The following RBPMS variants were observed in gnomAD, a reference collection of about 807,000 sequenced individuals.
RBPMS encodes the protein RNA-binding protein with multiple splicing.
A neutral mutation model predicts 26.8 loss-of-function variants in RBPMS; 7 were observed. That is an observed-to-expected ratio of 0.26 (90% confidence interval 0.15 to 0.49). The LOEUF (loss-of-function observed/expected upper bound fraction) is 0.49. Ranked by LOEUF, RBPMS falls within the 20% of genes least tolerant of loss-of-function variation. RBPMS has a pLI of 0.98. For missense variants in RBPMS, 186 were observed against 250.0 expected, an observed-to-expected ratio of 0.74 and a Z score of 1.73; for synonymous variants, 96 against 93.3, an observed-to-expected ratio of 1.03 and a Z score of -0.17.
chr8:30,495,676 A>G (rs1001638373), intron 4 of RBPMS, among the ~76,000 whole-genome samples: 2 of 152,254 alleles, frequency 1.3e-5, no homozygotes, highest in Admixed American at 6.5e-5. Flanking sequence ...GTAACCCAGC[A>G]GCACAGGCTG....
intron 1 of RBPMS, among the ~76,000 whole-genome samples, chr8:30,448,165 G>A (rs1161482883): frequency 6.6e-6 from 1 of 152,176 alleles, no homozygotes; most frequent in African/African-American, 2.4e-5. Flanking sequence ...AATTAGGCTT[G>A]TTCTAAATGT....
Position 30,544,567 on chromosome 8 carries a change from G to A in RBPMS, c.471G>A (p.Glu157=), listed in dbSNP as rs1394258823. Residue 157 remains glutamate (E), a synonymous_variant, in exon 6 of 9, where the codon GAG becomes GAA. Transcript: ENST00000397323. ...CCCCGTACCCTCTGTACCCAGCGGA[G>A]TTAGCGCCTGCTCTACCTCCTCCTG... The part of the protein sequence containing the change: ...VWAPYPLYPA[E]LAPALPPPAF... 6.2e-7 allele frequency: 1 copy of A among 1,614,184 alleles called. No homozygotes were observed. Among genetic ancestry groups the A allele is most frequent in the Admixed American group, 1.7e-5 (1 of 60,026 alleles).
intron 1 of RBPMS, among the ~76,000 whole-genome samples, chr8:30,464,473 A>G (rs1005992540): frequency 3.9e-5 from 6 of 152,208 alleles, no homozygotes; most frequent in African/African-American, 1.2e-4. Context: ...AGCATATTGC[A>G]TAGTTTTAAG....
At chr8:30,427,016 C>T (rs986334398) in intron 1 of RBPMS, among the ~76,000 whole-genome samples, 1 of 152,142 alleles carries the variant, frequency 6.6e-6, no homozygotes, top group Non-Finnish European at 1.5e-5. Context: ...TCTCAAACTC[C>T]TGGAGCTCAA....
intron 7 of RBPMS, chr8:30,564,961 A>T (rs955275482): frequency 3.3e-5 from 5 of 152,042 alleles, no homozygotes; most frequent in Middle Eastern, 6.8e-3. Context: ...CGCACTGATT[A>T]GCTGAAGCCC....
chr8:30,507,274 C>A (rs890405641), intron 5 of RBPMS, among the ~76,000 whole-genome samples: 6 of 152,050 alleles, frequency 3.9e-5, no homozygotes, highest in Admixed American at 3.3e-4. Flanking sequence ...TGGTTGTGCT[C>A]CTATTCTCTC....
At chr8:30,509,488 C>G (rs889470265) in intron 5 of RBPMS, among the ~76,000 whole-genome samples, 1 of 152,182 alleles carries the variant, frequency 6.6e-6, no homozygotes, top group African/African-American at 2.4e-5. Context: ...TGTAAAGTAT[C>G]TCACACATTC....
chr8:30,419,450 A>ATTGTGTGTGTGTGTG (rs1554509328), intron 1 of RBPMS, among the ~76,000 whole-genome samples: 3,054 of 143,254 alleles, frequency 0.021, 49 homozygotes, highest in Non-Finnish European at 0.033. Flanking sequence ...CATCTCAAAA[A>ATTGTGTGTGTGTGTG]TGTGTGTGTG....
At chr8:30,545,519 T>C in intron 6 of RBPMS, 1 of 871,268 alleles carries the variant, frequency 1.1e-6, no homozygotes, top group Non-Finnish European at 1.4e-6. Flanking sequence ...GCCTTTAAAT[T>C]TTAAATTTTT....
intron 5 of RBPMS, among the ~76,000 whole-genome samples, chr8:30,540,429 G>A (rs1162156805): frequency 5.3e-5 from 8 of 152,128 alleles, no homozygotes; most frequent in African/African-American, 1.4e-4. Context: ...GGAGTGACAT[G>A]ACTGAATTAA....
At chr8:30,489,205 C>A (rs547401537) in intron 4 of RBPMS, among the ~76,000 whole-genome samples, 3 of 151,944 alleles carry the variant, frequency 2.0e-5, no homozygotes, top group Non-Finnish European at 4.4e-5. Context: ...TGCCACCAGG[C>A]CTGGCTAATT....
At chr8:30,520,289 ACATTGGTGCCTGGTAATCTC>A (rs1465402141) in intron 5 of RBPMS, among the ~76,000 whole-genome samples, 20 of 152,290 alleles carry the variant, frequency 1.3e-4, no homozygotes, top group African/African-American at 4.8e-4. Context: ...TCCGCCTAAG[ACATTGGTGCCTGGTAATCTC>A]CATTGGTGAT....
At chr8:30,533,582 T>C (rs1824472063) in intron 5 of RBPMS, among the ~76,000 whole-genome samples, 1 of 152,194 alleles carries the variant, frequency 6.6e-6, no homozygotes, top group Admixed American at 6.5e-5. Context: ...TCAAGTGTGA[T>C]TGATCTAGCC....
intron 1 of RBPMS, among the ~76,000 whole-genome samples, chr8:30,407,911 T>C (rs1377385886): frequency 6.9e-6 from 1 of 145,760 alleles, no homozygotes; most frequent in Non-Finnish European, 1.5e-5. Flanking sequence ...ACTAGAGAAG[T>C]TTGCTTCAAG....
intron 7 of RBPMS, among the ~76,000 whole-genome samples, chr8:30,563,777 C>T (rs896931224): frequency 1.3e-4 from 20 of 152,140 alleles, no homozygotes; most frequent in African/African-American, 4.8e-4. Context: ...GGAGGAAAGG[C>T]ACTGGGGCTC....
chr8:30,410,216 A>AT (rs1014412775), intron 1 of RBPMS, among the ~76,000 whole-genome samples: 21 of 143,308 alleles, frequency 1.5e-4, no homozygotes, highest in African/African-American at 3.3e-4. Flanking sequence ...TTTATTTATT[A>AT]TTTTTTTTGA....
At chr8:30,547,078 A>T (rs1471847957) in intron 6 of RBPMS, among the ~76,000 whole-genome samples, 1 of 152,202 alleles carries the variant, frequency 6.6e-6, no homozygotes, top group East Asian at 1.9e-4. Flanking sequence ...AAGCAAAGGG[A>T]ATCAGCACTT....
intron 6 of RBPMS, among the ~76,000 whole-genome samples, chr8:30,549,795 T>TCTCTCTCCCTCCCC (rs1298441943): frequency 2.0e-5 from 2 of 100,744 alleles, no homozygotes; most frequent in African/African-American, 9.5e-5. Flanking sequence ...TCTCTCTCTC[T>TCTCTCTCCCTCCCC]CCCCTCTCTC....
In RBPMS at chr8:30,558,907, C is replaced by T. The variant is rs542779244; in HGVS notation, c.549C>T (p.Ser183=). Residue 183 remains serine (S), a synonymous_variant, in exon 7 of 9, where the codon TCC becomes TCT. Coordinates refer to ENST00000397323, the MANE Select transcript of RBPMS (RefSeq NM_001008710.3). The part of the protein sequence containing the change: ...LHAQMRWLPP[S]EATSQGWKSR... ...TTCAGATGCGCTGGCTCCCTCCCTCCGAGGCTACTTCTCAGGGCTGGAAGT... is the reference window on the plus strand; with the variant it reads ...TTCAGATGCGCTGGCTCCCTCCCTCTGAGGCTACTTCTCAGGGCTGGAAGT... The T allele has an allele frequency of 7.4e-6, 12 of 1,614,156 alleles. No homozygotes were observed. The highest frequency in any genetic ancestry group is 1.6e-4 in the Middle Eastern group (1 of 6,062).
Sources: allele counts gnomAD v4.1 joint callset (sites outside exome capture counted in the v4.1 genomes callset), GRCh38; gene constraint gnomAD v4.1.1; transcripts MANE v1.5; gene names NCBI Gene and HGNC (gene_info 2026-07-23, HGNC 2026-07-21).